YAE1: variants seen among roughly 807,000 people sequenced by gnomAD.
YAE1 encodes protein YAE1 homolog.
In YAE1, 22 loss-of-function variants were observed where a neutral mutation model predicts 23.0. The ratio of observed to expected loss-of-function variants is 0.96; its 90% CI spans 0.68 to 1.37. The LOEUF is 1.37. Among genes scored for constraint, YAE1 ranks in the 40% most tolerant of loss-of-function variants. The pLI, the probability that YAE1 is intolerant of heterozygous loss-of-function variation, is 0.00. For synonymous variants in YAE1, 101 were observed against 97.0 expected, an observed-to-expected ratio of 1.04 and a Z score of -0.24; for missense variants, 260 against 262.1, an observed-to-expected ratio of 0.99 and a Z score of 0.06.
downstream of YAE1, among the ~76,000 whole-genome samples, chr7:39,611,901 G>A (rs570858950): frequency 2.0e-5 from 3 of 152,140 alleles, no homozygotes; most frequent in South Asian, 6.2e-4. Flanking sequence ...CCCAAATAAG[G>A]TAATAGTCAA....
At chr7:39,597,175 G>T (rs1562595685) in intron 2 of YAE1, among the ~76,000 whole-genome samples, 1 of 152,196 alleles carries the variant, frequency 6.6e-6, no homozygotes, top group Admixed American at 6.5e-5. Context: ...AAATGTAAAA[G>T]AAAATATTTA....
intron 2 of YAE1, among the ~76,000 whole-genome samples, chr7:39,597,210 T>C (rs1583681961): frequency 1.3e-5 from 2 of 152,372 alleles, no homozygotes; most frequent in South Asian, 4.1e-4. Flanking sequence ...TCTCTCATTA[T>C]TCATGATGTG....
At position 39,598,797 on chromosome 7, in the gene YAE1, A is replaced by AAAG. The variant is rs562386955; in HGVS notation, c.252-10804_252-10802dup. Among the ~76,000 whole-genome samples, 346 of 148,396 alleles carry AAAG rather than the reference A, an allele frequency of 2.3e-3. 1 individual carries two copies. The highest frequency in any genetic ancestry group is 7.8e-3 in the African/African-American group (302 of 38,708). ...GAGGTCCTGTCTCAAAAAAAAAAAA[A>AAAG]AAGAAGAAGAAGAAGAAGGCAACAA... On this transcript the variant is annotated intron_variant, in intron 2 of 2. Coordinates refer to the YAE1 transcript ENST00000432096.
chr7:39,603,018 G>A (rs1583685098), intron 2 of YAE1, among the ~76,000 whole-genome samples: 1 of 152,204 alleles, frequency 6.6e-6, no homozygotes, highest in South Asian at 2.1e-4. Context: ...CAAAGTGCTG[G>A]GATTACAGGC....
rs1419551298 is a variant in YAE1 at position 39,566,499 on chromosome 7, G to T, written c.81G>T (p.Ser27=). The change falls in exon 1 of 3, where the codon TCG becomes TCT. Residue 27 remains serine (S), a synonymous_variant. Coordinates refer to ENST00000223273, the MANE Select transcript of YAE1 (RefSeq NM_020192.5). The part of the protein sequence containing the change: ...GDVFDEEADE[S]LLAQREWQSN... Reference sequence around the variant, plus strand: ...TGTTTGACGAAGAAGCAGACGAGTCGCTCCTGGCGCAGCGGGAATGGCAGA... The same window carrying T: ...TGTTTGACGAAGAAGCAGACGAGTCTCTCCTGGCGCAGCGGGAATGGCAGA... The T allele has an allele frequency of 6.2e-7, 1 of 1,614,194 alleles. No individual in the cohort carries two copies. The highest frequency in any genetic ancestry group is 8.5e-7 in the Non-Finnish European group (1 of 1,180,022).
downstream of YAE1, among the ~76,000 whole-genome samples, chr7:39,575,005 A>G (rs1310119550): frequency 1.3e-5 from 2 of 152,234 alleles, no homozygotes; most frequent in African/African-American, 4.8e-5. Context: ...ACTAGAACCA[A>G]GAATGAAGGG....
chr7:39,610,002 A>G, exon 3 of YAE1: 1 of 1,511,562 alleles, frequency 6.6e-7, no homozygotes, highest in East Asian at 2.5e-5. Context: ...GTTCTTAATC[A>G]GAGGGCAGCT....
At chr7:39,599,766 C>G (rs952211293) in intron 2 of YAE1, among the ~76,000 whole-genome samples, 7 of 151,132 alleles carry the variant, frequency 4.6e-5, no homozygotes, top group African/African-American at 1.7e-4. Context: ...TGGAGTCTCC[C>G]TCTGTCGTCC....
At chr7:39,592,196 C>A (rs1405098788) in intron 2 of YAE1, among the ~76,000 whole-genome samples, 1 of 152,122 alleles carries the variant, frequency 6.6e-6, no homozygotes, top group African/African-American at 2.4e-5. Context: ...GGGTAAATAT[C>A]AAAAAGTACA....
At chr7:39,580,147 C>A (rs1790719815) in intron 2 of YAE1, among the ~76,000 whole-genome samples, 1 of 152,192 alleles carries the variant, frequency 6.6e-6, no homozygotes, top group Admixed American at 6.5e-5. Flanking sequence ...CCTGCCTACT[C>A]GAGGGGAGAA....
At chr7:39,586,462 G>A (rs1185215465) in intron 2 of YAE1, among the ~76,000 whole-genome samples, 3 of 149,928 alleles carry the variant, frequency 2.0e-5, no homozygotes, top group Non-Finnish European at 4.4e-5. Context: ...GTGAGCCACC[G>A]CGCCCGGCCA....
intron 2 of YAE1, among the ~76,000 whole-genome samples, chr7:39,599,256 A>G (rs1791020524): frequency 1.3e-5 from 2 of 152,144 alleles, no homozygotes. Context: ...AATAATAATA[A>G]ATAAATAAAT....
exon 3 of YAE1, chr7:39,610,121 A>G: frequency 1.0e-6 from 1 of 981,268 alleles, no homozygotes; most frequent in Non-Finnish European, 1.5e-6. Flanking sequence ...AAGCTAGAAC[A>G]ATATGTACAC....
intron 2 of YAE1, among the ~76,000 whole-genome samples, chr7:39,603,649 A>G (rs1436221697): frequency 2.0e-5 from 3 of 152,252 alleles, no homozygotes; most frequent in East Asian, 1.9e-4. Flanking sequence ...AAAAACAAGA[A>G]TATCTAATGA....
chr7:39,582,741 CTT>C (rs1790763591), intron 2 of YAE1, among the ~76,000 whole-genome samples: 1 of 152,152 alleles, frequency 6.6e-6, no homozygotes, highest in African/African-American at 2.4e-5. Flanking sequence ...GACCTTGCCT[CTT>C]TAGTGTGAAC....
At chr7:39,603,736 A>G (rs1791088087) in intron 2 of YAE1, among the ~76,000 whole-genome samples, 1 of 152,210 alleles carries the variant, frequency 6.6e-6, no homozygotes, top group Non-Finnish European at 1.5e-5. Context: ...TTTAACACAC[A>G]CAAAGTTTAG....
intron 1 of YAE1, chr7:39,569,342 T>C: frequency 2.9e-6 from 1 of 343,134 alleles, no homozygotes; most frequent in Admixed American, 3.7e-5. Context: ...TCTTCTGTTT[T>C]TATCAAAATC....
At chr7:39,570,452 A>T in intron 1 of YAE1, 54 bp from the exon 2 acceptor site, 1 of 1,584,572 alleles carries the variant, frequency 6.3e-7, no homozygotes, top group East Asian at 2.2e-5. Context: ...TTTCTAGAAA[A>T]GCCTACATGT....
intron 1 of YAE1, chr7:39,570,120 G>A (rs1036233407): frequency 5.4e-5 from 50 of 926,618 alleles, no homozygotes; most frequent in African/African-American, 4.4e-4. Context: ...TTGCTCTGCC[G>A]CCTGTGGGTC....
Sources: gnomAD v4.1 joint callset for allele counts (sites outside exome capture counted in the v4.1 genomes callset) on GRCh38, gnomAD v4.1.1 for gene constraint, MANE v1.5 for transcripts, NCBI Gene and HGNC (gene_info 2026-07-23, HGNC 2026-07-21) for gene names.